Variants in VPS13B observed in about 807,000 individuals in gnomAD.
VPS13B encodes intermembrane lipid transfer protein VPS13B.
VPS13B carries 285 observed loss-of-function variants against 426.4 expected under a neutral mutation model. The observed-to-expected ratio is 0.67, with a 90% confidence interval of 0.61 to 0.74. The LOEUF is 0.74. Ranked by LOEUF, VPS13B falls within the 30% of genes least tolerant of loss-of-function variation. The pLI is 0.00. For synonymous variants in VPS13B, 1,676 were observed against 1,676.4 expected (o/e 1.00, Z 0.01); for missense variants, 4,537 against 4,782.6 (o/e 0.95, Z 1.51).
At chr8:99,688,254 T>A (rs1211101505) in intron 35 of VPS13B, among the ~76,000 whole-genome samples, 1 of 151,792 alleles carries the variant, frequency 6.6e-6, no homozygotes, top group Non-Finnish European at 1.5e-5. Context: ...ACAAATTATT[T>A]GGAAATCACT....
intron 39 of VPS13B, among the ~76,000 whole-genome samples, chr8:99,763,866 G>A (rs569672504): frequency 5.3e-5 from 8 of 152,048 alleles, no homozygotes; most frequent in East Asian, 1.9e-4. Flanking sequence ...ACCCTCTTCC[G>A]CATATCCATT....
In VPS13B at chr8:99,870,784, G is replaced by C. The variant is rs747363890; in HGVS notation, c.11393-1G>C. ...AAACTCCCTTACTTCTCTTACCACA[G>C]GTATTTTACATGGAGCTGGACTTTC... On this transcript the variant is annotated splice_acceptor_variant, in intron 59 of 61. Transcript: ENST00000357162. LOFTEE classifies it high-confidence loss of function. 1 of 1,614,090 alleles carries C rather than the reference G, an allele frequency of 6.2e-7. No homozygotes were observed. The highest frequency in any genetic ancestry group is 1.7e-5 in the Admixed American group (1 of 60,030).
chr8:99,645,901 A>G (rs1316124203), intron 34 of VPS13B, among the ~76,000 whole-genome samples: 3 of 152,210 alleles, frequency 2.0e-5, no homozygotes, highest in Non-Finnish European at 4.4e-5. Context: ...GCACTGTTCC[A>G]TAACTGGTGT....
intron 28 of VPS13B, 75 bp downstream of exon 28, chr8:99,507,278 A>G (rs989859057): frequency 2.1e-6 from 3 of 1,435,700 alleles, no homozygotes; most frequent in Non-Finnish European, 2.9e-6. Flanking sequence ...ATAAAATAGG[A>G]CTAATGGTTA....
At chr8:99,544,116 T>C (rs1276220228) in intron 30 of VPS13B, among the ~76,000 whole-genome samples, 2 of 151,300 alleles carry the variant, frequency 1.3e-5, no homozygotes, top group Admixed American at 1.3e-4. Context: ...ATATACACCA[T>C]GGAATACTAT....
chr8:99,614,239 A>G (rs1827968807), intron 33 of VPS13B, among the ~76,000 whole-genome samples: 1 of 151,036 alleles, frequency 6.6e-6, no homozygotes, highest in Non-Finnish European at 1.5e-5. Flanking sequence ...AATAGTTTTT[A>G]TTTTAAATTT....
At chr8:99,121,710 G>A in intron 8 of VPS13B, 1 of 842,638 alleles carries the variant, frequency 1.2e-6, no homozygotes, top group Non-Finnish European at 1.6e-6. Flanking sequence ...TCATTCAGTT[G>A]GTGTACAAAC....
intron 19 of VPS13B, among the ~76,000 whole-genome samples, chr8:99,317,262 A>G (rs1347216869): frequency 1.3e-5 from 2 of 151,964 alleles, no homozygotes; most frequent in Non-Finnish European, 2.9e-5. Flanking sequence ...AATTATTTGT[A>G]CTTATTTATG....
intron 19 of VPS13B, among the ~76,000 whole-genome samples, chr8:99,308,400 A>G (rs1050104478): frequency 3.9e-5 from 6 of 152,046 alleles, no homozygotes; most frequent in African/African-American, 7.2e-5. Context: ...TCATTGTTCA[A>G]TTCCCACCTA....
intron 27 of VPS13B, among the ~76,000 whole-genome samples, chr8:99,503,269 A>G (rs1821333342): frequency 6.6e-6 from 1 of 152,226 alleles, no homozygotes; most frequent in African/African-American, 2.4e-5. Context: ...AAAATGTGCT[A>G]ATGATCATCT....
chr8:99,619,124 A>G (rs922852442), intron 33 of VPS13B, among the ~76,000 whole-genome samples: 5 of 152,338 alleles, frequency 3.3e-5, no homozygotes, highest in African/African-American at 1.2e-4. Context: ...AAGCCTTGAG[A>G]AAACCTCTTC....
In VPS13B at chr8:99,520,981, C is replaced by G. The variant is rs1822355296; in HGVS notation, c.4716C>G (p.Gly1572=). ...AMAPQADNPL[G]RSVLRKDIYQ... ...CTCCCCAGGCTGACAATCCCCTTGG[C>G]AGATCTGTCCTTAGGAAAGATATTT... is the stretch of plus-strand genomic sequence containing the variant. Residue 1572 remains glycine, a synonymous_variant, in exon 30 of 62, where the codon GGC becomes GGG. Coordinates refer to ENST00000357162, the MANE Select transcript of VPS13B (RefSeq NM_152564.5). 1 of 1,613,574 alleles carries G rather than the reference C, an allele frequency of 6.2e-7. No homozygotes were observed. Among genetic ancestry groups the G allele is most frequent in the African/African-American group, 1.3e-5 (1 of 74,906 alleles).
intron 17 of VPS13B, among the ~76,000 whole-genome samples, chr8:99,208,878 C>T: frequency 6.6e-6 from 1 of 152,100 alleles, no homozygotes; most frequent in East Asian, 1.9e-4. Flanking sequence ...CAATATTTTA[C>T]AGGTTTAAAA....
chr8:99,149,023 T>C (rs1018836179), intron 14 of VPS13B, among the ~76,000 whole-genome samples: 2 of 152,248 alleles, frequency 1.3e-5, no homozygotes, highest in African/African-American at 4.8e-5. Flanking sequence ...ATATGATCCT[T>C]TGTTTTTAGA....
chr8:99,596,912 A>G (rs1388780217), intron 33 of VPS13B, among the ~76,000 whole-genome samples: 1 of 152,016 alleles, frequency 6.6e-6, no homozygotes, highest in African/African-American at 2.4e-5. Flanking sequence ...GTAGCTAGAG[A>G]GTCTTCAGGG....
At chr8:99,067,459 CAG>C (rs1844593289) in intron 3 of VPS13B, among the ~76,000 whole-genome samples, 1 of 152,112 alleles carries the variant, frequency 6.6e-6, no homozygotes, top group East Asian at 1.9e-4. Flanking sequence ...CACTTGGACA[CAG>C]GGCGGGGAAC....
At chr8:99,185,863 CTG>C (rs975251127) in intron 16 of VPS13B, among the ~76,000 whole-genome samples, 17 of 152,164 alleles carry the variant, frequency 1.1e-4, no homozygotes, top group African/African-American at 3.6e-4. Context: ...CATCAGCTCT[CTG>C]TTATAGTTTG....
intron 4 of VPS13B, among the ~76,000 whole-genome samples, chr8:99,096,934 G>C (rs1846457933): frequency 1.3e-5 from 2 of 152,154 alleles, no homozygotes; most frequent in African/African-American, 4.8e-5. Context: ...TTTATCTTGA[G>C]ACTCTGGTAT....
intron 21 of VPS13B, among the ~76,000 whole-genome samples, chr8:99,418,276 T>G (rs1816147548): frequency 1.3e-5 from 2 of 151,970 alleles, no homozygotes; most frequent in Admixed American, 6.6e-5. Context: ...CCCTCCCTCC[T>G]TTCTTCTTTT....
Sources: allele counts gnomAD v4.1 joint callset (sites outside exome capture counted in the v4.1 genomes callset), GRCh38; gene constraint gnomAD v4.1.1; transcripts MANE v1.5; gene names NCBI Gene and HGNC (gene_info 2026-07-23, HGNC 2026-07-21).